The following LUZP2 variants were observed in gnomAD, a reference collection of about 807,000 sequenced individuals.
LUZP2 encodes the protein leucine zipper protein 2.
LUZP2 carries 52 observed loss-of-function variants against 51.6 expected under a neutral mutation model. The observed-to-expected ratio is 1.01, with a 90% confidence interval of 0.81 to 1.27. LUZP2 has a LOEUF of 1.27. Among genes scored for constraint, LUZP2 ranks in the 50% most tolerant of loss-of-function variants. The probability of loss-of-function intolerance (pLI) is 0.00; values close to 1 mark genes in which losing one functional copy is unlikely to be tolerated. For missense variants in LUZP2, 436 were observed against 395.4 expected (o/e 1.10, Z -0.87); for synonymous variants, 154 against 137.3 (o/e 1.12, Z -0.85).
At chr11:24,659,253 G>A (rs868390006) in intron 1 of LUZP2, among the ~76,000 whole-genome samples, 9 of 152,166 alleles carry the variant, frequency 5.9e-5, no homozygotes, top group Middle Eastern at 3.2e-3. Flanking sequence ...AAAAAATGAT[G>A]AGTTCATGTC....
At chr11:25,048,140 T>A (rs897934985) in intron 9 of LUZP2, among the ~76,000 whole-genome samples, 1 of 152,276 alleles carries the variant, frequency 6.6e-6, no homozygotes, top group East Asian at 1.9e-4. Flanking sequence ...AAGTATAAAA[T>A]TTGTAGCTCA....
At chr11:24,788,560 T>C (rs1189079036) in intron 5 of LUZP2, among the ~76,000 whole-genome samples, 1 of 152,140 alleles carries the variant, frequency 6.6e-6, no homozygotes, top group African/African-American at 2.4e-5. Flanking sequence ...AGCCACACTG[T>C]CAGTTGATAT....
At chr11:25,058,159 G>A (rs1017331230) in intron 10 of LUZP2, among the ~76,000 whole-genome samples, 2 of 152,034 alleles carry the variant, frequency 1.3e-5, no homozygotes, top group Admixed American at 1.3e-4. Flanking sequence ...TCCTACTGTG[G>A]TATTTTTTTC....
intron 1 of LUZP2, among the ~76,000 whole-genome samples, chr11:24,569,288 A>G (rs1359994849): frequency 2.0e-5 from 3 of 152,080 alleles, no homozygotes; most frequent in African/African-American, 7.2e-5. Flanking sequence ...TTAATTCAGC[A>G]TATAGTATTT....
intron 5 of LUZP2, among the ~76,000 whole-genome samples, chr11:24,884,176 C>T (rs1852590706): frequency 6.6e-6 from 1 of 151,992 alleles, no homozygotes; most frequent in African/African-American, 2.4e-5. Context: ...CCATAAATTA[C>T]TTTCTTTCCT....
chr11:24,881,178 G>A (rs1010235303), intron 5 of LUZP2, among the ~76,000 whole-genome samples: 3 of 152,076 alleles, frequency 2.0e-5, no homozygotes, highest in African/African-American at 7.2e-5. Flanking sequence ...TTTATTTCAA[G>A]TTTTAACAAG....
At chr11:24,699,122 C>CACAT (rs1454060710) in intron 1 of LUZP2, among the ~76,000 whole-genome samples, 5 of 150,328 alleles carry the variant, frequency 3.3e-5, no homozygotes, top group Admixed American at 2.0e-4. Context: ...CACACACACA[C>CACAT]ACACACGAAA....
intron 1 of LUZP2, among the ~76,000 whole-genome samples, chr11:24,553,524 G>A (rs1269463504): frequency 2.0e-5 from 3 of 151,882 alleles, no homozygotes; most frequent in Non-Finnish European, 2.9e-5. Flanking sequence ...AGAATAGAAG[G>A]GTATATATAT....
At chr11:24,584,073 A>G (rs550222024) in intron 1 of LUZP2, among the ~76,000 whole-genome samples, 11 of 152,074 alleles carry the variant, frequency 7.2e-5, no homozygotes, top group South Asian at 2.1e-4. Flanking sequence ...TCAAATATAT[A>G]TCTATATAGA....
At chr11:25,017,945 A>T (rs1857204769) in intron 9 of LUZP2, among the ~76,000 whole-genome samples, 1 of 151,880 alleles carries the variant, frequency 6.6e-6, no homozygotes, top group South Asian at 2.1e-4. Flanking sequence ...TGTGTCATCT[A>T]TAATTTCTTT....
intron 1 of LUZP2, among the ~76,000 whole-genome samples, chr11:24,592,924 A>G (rs183850163): frequency 2.6e-5 from 4 of 152,340 alleles, no homozygotes; most frequent in Non-Finnish European, 5.9e-5. Context: ...CATTACAGAC[A>G]TCTATTGGTG....
chr11:24,826,979 C>T (rs1239195341), intron 5 of LUZP2, among the ~76,000 whole-genome samples: 1 of 152,052 alleles, frequency 6.6e-6, no homozygotes, highest in Non-Finnish European at 1.5e-5. Flanking sequence ...AACCTATCAA[C>T]ATCTCATAGA....
intron 7 of LUZP2, among the ~76,000 whole-genome samples, chr11:24,926,637 G>GTA (rs545404190): frequency 9.3e-4 from 126 of 135,258 alleles, no homozygotes; most frequent in Middle Eastern, 3.9e-3. Context: ...GTGTATATAT[G>GTA]TATATATATA....
In LUZP2 at chr11:24,954,582, C is replaced by A. The variant is rs116066633; in HGVS notation, c.523-22009C>A. ...CAAATATGTTTGGACTCATTGCCTC[C>A]TTTCTAGCTGAATCTATGAGACTGT... On this transcript the variant is annotated intron_variant, in intron 7 of 11. Coordinates refer to ENST00000336930, the MANE Select transcript of LUZP2 (RefSeq NM_001009909.4). Among the ~76,000 whole-genome samples, 1,174 of 152,100 alleles carry A rather than the reference C, an allele frequency of 7.7e-3. 11 individuals are homozygous for A. The highest frequency in any genetic ancestry group is 0.026 in the African/African-American group (1,071 of 41,516).
At chr11:24,513,010 G>A (rs1462711588) in intron 1 of LUZP2, among the ~76,000 whole-genome samples, 1 of 152,022 alleles carries the variant, frequency 6.6e-6, no homozygotes, top group Non-Finnish European at 1.5e-5. Flanking sequence ...CACCCGCCTC[G>A]GCCTCCCAAA....
intron 5 of LUZP2, among the ~76,000 whole-genome samples, chr11:24,873,562 T>C (rs1852151015): frequency 6.6e-6 from 1 of 152,158 alleles, no homozygotes; most frequent in South Asian, 2.1e-4. Context: ...AAAAATAGCT[T>C]AGTGAACCTT....
intron 5 of LUZP2, among the ~76,000 whole-genome samples, chr11:24,785,643 A>G (rs1399036522): frequency 4.6e-5 from 7 of 152,072 alleles, no homozygotes; most frequent in East Asian, 3.9e-4. Flanking sequence ...TCCAATAATA[A>G]CATGTTATTA....
chr11:25,008,552 C>A (rs1565221756), intron 9 of LUZP2, among the ~76,000 whole-genome samples: 1 of 152,124 alleles, frequency 6.6e-6, no homozygotes, highest in Non-Finnish European at 1.5e-5. Context: ...GCATGTGACA[C>A]CCCAGCAGCT....
intron 7 of LUZP2, among the ~76,000 whole-genome samples, chr11:24,915,001 G>T (rs1590723462): frequency 6.6e-6 from 1 of 152,208 alleles, no homozygotes; most frequent in East Asian, 1.9e-4. Flanking sequence ...TCAACTTTCA[G>T]ATATTATCAA....
Sources: allele counts gnomAD v4.1 joint callset (sites outside exome capture counted in the v4.1 genomes callset), GRCh38; gene constraint gnomAD v4.1.1; transcripts MANE v1.5; gene names NCBI Gene and HGNC (gene_info 2026-07-23, HGNC 2026-07-21).